PAOX: variants seen among roughly 807,000 people sequenced by gnomAD.
PAOX encodes peroxisomal N(1)-acetyl-spermine/spermidine oxidase.
Under a neutral mutation model 39.0 loss-of-function variants are expected in PAOX, and 38 were observed. The observed-to-expected ratio is 0.97, with a 90% CI of 0.75 to 1.28. The LOEUF is 1.28. Ranked by LOEUF, PAOX falls within the 50% of genes most tolerant of loss-of-function variation. The pLI is 0.00. For missense variants in PAOX, 667 were observed against 685.7 expected (o/e 0.97, Z 0.30); for synonymous variants, 311 against 314.4 (o/e 0.99, Z 0.11).
chr10:133,384,240 G>T lies in PAOX; in HGVS notation c.1121+28G>T. 6.2e-7 allele frequency: 1 copy of T among 1,607,490 alleles called. No individual in the cohort carries two copies. Among genetic ancestry groups the T allele is most frequent in the Non-Finnish European group, 8.5e-7 (1 of 1,176,328 alleles). On this transcript the variant is annotated intron_variant, in intron 4 of 6. Transcript: ENST00000278060. This position sits in a 1 kb window ranked among gnomAD's most constrained non-coding sequence, Gnocchi z 4.3. ...ACGTTTGCTCCCTGAGAAGTTCTGC[G>T]AGTGGCTGGCTCATAGGCCTTCATC...
chr10:133,381,380 G>A (rs1020625995), intron 2 of PAOX, 80 bp from the exon 3 acceptor site: 10 of 1,364,742 alleles, frequency 7.3e-6, no homozygotes, highest in African/African-American at 1.4e-5. Flanking sequence ...ATGCGGGTGG[G>A]AACTCAGAGC....
rs946874318 is a variant in PAOX at position 133,379,745 on chromosome 10, GCC to G, written c.182-248_182-247del. On this transcript the variant is annotated intron_variant, in intron 1 of 6. Transcript: ENST00000278060. ...GCCGCCCTGATTCTGCCCCACGGGG[GCC>G]CCCCCAGCCCCGGGGTACGCCCACC... 10 of 526,794 alleles carry G rather than the reference GCC, an allele frequency of 1.9e-5. No individual in the cohort carries two copies. The Admixed American group carries it at 1.9e-4, about 10-fold the overall frequency. The allele number at this position is 526,794 out of a possible 1,614,324, so 32.6% of individuals were successfully genotyped here. A position where few individuals can be genotyped will look rare whatever the true frequency, so the allele number is the denominator to read the frequency against.
At chr10:133,389,202 T>C in intron 5 of PAOX, 134 bp downstream of exon 5, 1 of 736,796 alleles carries the variant, frequency 1.4e-6, no homozygotes, top group Non-Finnish European at 2.4e-6. Context: ...CCATCCTTCC[T>C]CATGTTAGTG....
rs565776203 is a variant in PAOX at position 133,391,497 on chromosome 10, C to T, written c.*42C>T. 1.9e-6 allele frequency: 3 copies of T among 1,559,376 alleles called. No individual in the cohort carries two copies. Among genetic ancestry groups the T allele is most frequent in the African/African-American group, 2.8e-5 (2 of 72,726 alleles). On this transcript the variant is annotated 3_prime_UTR_variant, in exon 7 of 7. Transcript: ENST00000278060. ...CTGTTCCACCCGTGTCGGGGGTAGG[C>T]TGGGACCCTCATTTCTTCTGACAGA...
chr10:133,381,683 C>A (rs752302844), intron 3 of PAOX, 24 bp downstream of exon 3: 1 of 1,609,956 alleles, frequency 6.2e-7, no homozygotes, highest in Admixed American at 1.7e-5. Context: ...TCAGCCCAAA[C>A]CCCCATCCCA....
Position 133,381,600 on chromosome 10 carries a change from T to C in PAOX, c.809T>C (p.Val270Ala). Residue 270 changes from valine (V) to alanine (A), a missense_variant, in exon 3 of 7, where the codon GTA becomes GCA. By Grantham distance (64) the Val-to-Ala change is moderately conservative. Transcript: ENST00000278060. ...AFPGETFPVS[V>A]ECEDGDRFPA... ...CCCGGGGAGACCTTTCCAGTGTCGG[T>C]AGAGTGTGAGGATGGAGACCGGTTC... is the stretch of plus-strand genomic sequence containing the variant. 1.2e-6 allele frequency: 2 copies of C among 1,613,562 alleles called. No individual in the cohort carries two copies. Among genetic ancestry groups the C allele is most frequent in the South Asian group, 2.2e-5 (2 of 91,078 alleles).
chr10:133,387,958 C>T (rs1849571566), intron 4 of PAOX, among the ~76,000 whole-genome samples: 1 of 152,106 alleles, frequency 6.6e-6, no homozygotes, highest in South Asian at 2.1e-4. Flanking sequence ...ACCTCGTGAT[C>T]CGCCCGCCTT....
At position 133,389,070 on chromosome 10, in the gene PAOX, TA is replaced by T. The variant is rs1329972709; in HGVS notation, c.1234+3del. The stretch of plus-strand genomic sequence containing the variant: ...CCCAAGTGCTCCGGAGAGTGACAGG[TA>T]GGTACTCACCACACACGCTGGTTCC... On this transcript the variant is annotated splice_donor_region_variant and intron_variant, in intron 5 of 6. Coordinates refer to ENST00000278060, the MANE Select transcript of PAOX (RefSeq NM_152911.4). 1 of 1,602,386 alleles carries T rather than the reference TA, an allele frequency of 6.2e-7. No individual in the cohort carries two copies. The highest frequency in any genetic ancestry group is 8.6e-7 in the Non-Finnish European group (1 of 1,169,518).
At chr10:133,390,188 C>T (rs537330408) in intron 6 of PAOX, among the ~76,000 whole-genome samples, 4 of 151,354 alleles carry the variant, frequency 2.6e-5, no homozygotes, top group Non-Finnish European at 4.4e-5. Flanking sequence ...CGCCCACCCC[C>T]GCCCTTTTTT....
chr10:133,387,630 G>A (rs1291413151), intron 4 of PAOX, among the ~76,000 whole-genome samples: 1 of 152,216 alleles, frequency 6.6e-6, no homozygotes, highest in Non-Finnish European at 1.5e-5. Context: ...CACCAGCCCC[G>A]CCTGGAATAG....
chr10:133,379,696 GAAGGCGACCTACGGCTCCAC>G (rs1564809179), intron 1 of PAOX, 199 bp downstream of exon 1: 1 of 557,844 alleles, frequency 1.8e-6, no homozygotes, highest in African/African-American at 1.9e-5. Flanking sequence ...GCCGGCCAGG[GAAGGCGACCTACGGCTCCAC>G]AAGGCCGCCC....
At position 133,391,550 on chromosome 10, in the gene PAOX, G is replaced by A. The variant is rs376948331; in HGVS notation, c.*95G>A. 7.9e-4 allele frequency: 1,166 copies of A among 1,473,024 alleles called. No homozygotes were observed. The highest frequency in any genetic ancestry group is 9.8e-4 in the Non-Finnish European group (1,081 of 1,107,754). 91.2% of individuals were successfully genotyped at this position (1,473,024 alleles called of 1,614,324 possible). A position where few individuals can be genotyped will look rare whatever the true frequency, so the allele number is the denominator to read the frequency against. ...TCAGTCTGGCTTGAAATTTGGGGAT[G>A]TTAATGAGGGTCCTCTGGTTTTTGG... On this transcript the variant is annotated 3_prime_UTR_variant, in exon 7 of 7. Transcript: ENST00000278060.
At position 133,389,733 on chromosome 10, in the gene PAOX, G is replaced by A. The variant is rs143831705; in HGVS notation, c.1378G>A (p.Gly460Ser). The A allele has an allele frequency of 3.1e-5, 48 of 1,548,836 alleles. No homozygotes were observed. The African/African-American group carries it at 5.7e-4, about 18-fold the overall frequency. ...GCTGGCTCAGCCCCTCCCTGCAGACGGCGCCGGCGCCCAGGTATGTGGCGT... is the reference window on the plus strand; with the variant it reads ...GCTGGCTCAGCCCCTCCCTGCAGACAGCGCCGGCGCCCAGGTATGTGGCGT... ...DLLAQPLPAD[G>S]AGAQLQILFA... The change falls in exon 6 of 7, where the codon GGC becomes AGC. Residue 460 changes from glycine to serine, a missense_variant. Transcript: ENST00000278060.
chr10:133,390,942 CT>C, intron 6 of PAOX: 1 of 700,928 alleles, frequency 1.4e-6, no homozygotes. Flanking sequence ...CAGTGGCTTC[CT>C]TTCCCACCCA....
chr10:133,387,114 A>T (rs1346549021), intron 4 of PAOX, among the ~76,000 whole-genome samples: 1 of 152,076 alleles, frequency 6.6e-6, no homozygotes. Context: ...CCCAGTCTCT[A>T]CCAAAAATAC....
chr10:133,389,484 C>T, intron 5 of PAOX, 106 bp from the exon 6 acceptor site: 1 of 1,487,140 alleles, frequency 6.7e-7, no homozygotes, highest in Non-Finnish European at 9.3e-7. Flanking sequence ...TTTCTTCCTG[C>T]ATAGCATCTT....
At chr10:133,388,131 T>C (rs1449675775) in intron 4 of PAOX, among the ~76,000 whole-genome samples, 1 of 152,160 alleles carries the variant, frequency 6.6e-6, no homozygotes, top group Non-Finnish European at 1.5e-5. Flanking sequence ...TTTTTATTTA[T>C]TTTTTAATAT....
rs747494278 is a variant in PAOX at position 133,384,016 on chromosome 10, G to A, written c.925G>A (p.Ala309Thr). 1.2e-6 allele frequency: 2 copies of A among 1,614,180 alleles called. No homozygotes were observed. The highest frequency in any genetic ancestry group is 1.7e-6 in the Non-Finnish European group (2 of 1,180,024). The change falls in exon 4 of 7, where the codon GCA becomes ACA. Residue 309 changes from alanine to threonine, a missense_variant. By Grantham distance (58) the Ala-to-Thr change is moderately conservative (BLOSUM62 0). Transcript: ENST00000278060. The surrounding 1 kb of genome is among the most constrained non-coding windows in gnomAD (Gnocchi z 4.3). ...TGACCCTCCCCTGCCGGCTGAGAAG[G>A]CAGAAGCAATCAGGAAGATAGGCTT... ...FFDPPLPAEKAEAIRKIGFGT... is the reference protein window; with the variant it reads ...FFDPPLPAEKTEAIRKIGFGT...
At chr10:133,390,788 G>A (rs1187655436) in intron 6 of PAOX, 1 of 600,418 alleles carries the variant, frequency 1.7e-6, no homozygotes, top group South Asian at 2.0e-5. Context: ...AGATAAGGCT[G>A]TAGCTTTCTT....
Sources: allele counts gnomAD v4.1 joint callset (sites outside exome capture counted in the v4.1 genomes callset), GRCh38; gene constraint gnomAD v4.1.1; non-coding constraint Gnocchi (gnomAD v3.1); transcripts MANE v1.5; gene names NCBI Gene and HGNC (gene_info 2026-07-23, HGNC 2026-07-21).